The following DSCAML1 variants were observed in gnomAD, a reference collection of about 807,000 sequenced individuals.
DSCAML1 encodes cell adhesion molecule DSCAML1.
DSCAML1 carries 38 observed loss-of-function variants against 200.5 expected under a neutral mutation model. The observed-to-expected ratio is 0.19, with a 90% CI of 0.15 to 0.25. DSCAML1 has a LOEUF of 0.25. Among genes scored for constraint, DSCAML1 ranks in the 10% least tolerant of loss-of-function variants. The probability of loss-of-function intolerance (pLI) is 1.00; values close to 1 mark genes in which losing one functional copy is unlikely to be tolerated. For synonymous variants in DSCAML1, 1,215 were observed against 1,165.0 expected (o/e 1.04, Z -0.87); for missense variants, 2,223 against 2,858.8 (o/e 0.78, Z 5.07).
chr11:117,588,797 C>T (rs371673608), intron 3 of DSCAML1, among the ~76,000 whole-genome samples: 99 of 152,202 alleles, frequency 6.5e-4, no homozygotes, highest in Non-Finnish European at 1.2e-3. Flanking sequence ...TGGCCAGGGG[C>T]GGGTGTGGGG....
At chr11:117,792,646 TGCCATCA>T (rs2055493266) in intron 1 of DSCAML1, among the ~76,000 whole-genome samples, 1 of 152,154 alleles carries the variant, frequency 6.6e-6, no homozygotes, top group South Asian at 2.1e-4. Context: ...CACACCCCCA[TGCCATCA>T]GCAACTACCT....
intron 1 of DSCAML1, among the ~76,000 whole-genome samples, chr11:117,804,039 C>T (rs1176252263): frequency 6.6e-6 from 1 of 152,212 alleles, no homozygotes; most frequent in Non-Finnish European, 1.5e-5. Flanking sequence ...CGAGACCCTC[C>T]TCAAAGTCCA....
intron 3 of DSCAML1, among the ~76,000 whole-genome samples, chr11:117,735,904 A>G (rs1206826527): frequency 6.6e-6 from 1 of 152,168 alleles, no homozygotes; most frequent in Non-Finnish European, 1.5e-5. Context: ...GCACCCAGCT[A>G]AGGGGCAACC....
intron 3 of DSCAML1, among the ~76,000 whole-genome samples, chr11:117,608,874 A>ATTTTAAAATG (rs2051627639): frequency 7.4e-4 from 4 of 5,434 alleles, no homozygotes; most frequent in African/African-American, 2.5e-3. Context: ...TGAGCATTAT[A>ATTTTAAAATG]TCTGCCAAAT....
intron 8 of DSCAML1, among the ~76,000 whole-genome samples, chr11:117,514,577 T>C (rs1253871395): frequency 4.2e-5 from 4 of 95,778 alleles, no homozygotes; most frequent in South Asian, 3.8e-4. Flanking sequence ...TTTTTCTTTT[T>C]TTTTTTTTTT....
intron 3 of DSCAML1, among the ~76,000 whole-genome samples, chr11:117,635,327 G>C (rs1035078601): frequency 2.6e-5 from 4 of 152,108 alleles, no homozygotes; most frequent in African/African-American, 9.7e-5. Flanking sequence ...TCCCTGGCTG[G>C]TCAGGAATTT....
At chr11:117,583,824 C>T (rs1008451067) in intron 3 of DSCAML1, among the ~76,000 whole-genome samples, 4 of 152,252 alleles carry the variant, frequency 2.6e-5, no homozygotes, top group African/African-American at 9.6e-5. Context: ...CTCCCACATT[C>T]CTTGTGATCA....
intron 18 of DSCAML1, 52 bp downstream of exon 18, chr11:117,461,398 A>G (rs2137148704): frequency 6.2e-7 from 1 of 1,611,984 alleles, no homozygotes; most frequent in Middle Eastern, 1.7e-4. Context: ...AGCAGACTCC[A>G]CTGACCTGCG....
intron 8 of DSCAML1, among the ~76,000 whole-genome samples, chr11:117,514,440 C>T (rs2049712768): frequency 6.6e-6 from 1 of 151,816 alleles, no homozygotes; most frequent in Non-Finnish European, 1.5e-5. Context: ...ATGGAGCAAA[C>T]GGTCCTCCCT....
At chr11:117,531,277 C>T (rs892589777) in intron 4 of DSCAML1, among the ~76,000 whole-genome samples, 28 of 152,102 alleles carry the variant, frequency 1.8e-4, no homozygotes, top group African/African-American at 6.5e-4. Context: ...GGCTGTGCCT[C>T]CCACTGGTTA....
chr11:117,777,009 G>A (rs2055139785), intron 2 of DSCAML1, 72 bp from the exon 3 acceptor site: 2 of 1,531,696 alleles, frequency 1.3e-6, no homozygotes, highest in South Asian at 1.2e-5. Flanking sequence ...GAAAGGAACA[G>A]GGAGTCAGCT....
intron 3 of DSCAML1, among the ~76,000 whole-genome samples, chr11:117,729,079 A>C (rs142906703): frequency 6.6e-6 from 1 of 152,372 alleles, no homozygotes; most frequent in East Asian, 1.9e-4. Flanking sequence ...AGACATTTAG[A>C]TTAATGGAAT....
intron 11 of DSCAML1, among the ~76,000 whole-genome samples, chr11:117,494,093 T>C (rs897536156): frequency 6.6e-6 from 1 of 152,234 alleles, no homozygotes. Context: ...TAGTATTTTT[T>C]ATTTCCATTT....
At chr11:117,484,079 A>G (rs1359187814) in intron 11 of DSCAML1, among the ~76,000 whole-genome samples, 2 of 122,094 alleles carry the variant, frequency 1.6e-5, no homozygotes, top group Non-Finnish European at 3.2e-5. Flanking sequence ...GCTCCATTTC[A>G]ACAGCTGGCC....
intron 3 of DSCAML1, among the ~76,000 whole-genome samples, chr11:117,577,138 C>G (rs983558958): frequency 6.6e-6 from 1 of 152,128 alleles, no homozygotes; most frequent in African/African-American, 2.4e-5. Context: ...GTGTCACCAC[C>G]CGAGGTTACT....
At chr11:117,810,098 T>G (rs2055748356) in intron 1 of DSCAML1, among the ~76,000 whole-genome samples, 1 of 152,002 alleles carries the variant, frequency 6.6e-6, no homozygotes, top group Non-Finnish European at 1.5e-5. Flanking sequence ...CATACACACA[T>G]TCACATACAT....
At chr11:117,551,249 A>G (rs968211117) in intron 3 of DSCAML1, among the ~76,000 whole-genome samples, 5 of 152,196 alleles carry the variant, frequency 3.3e-5, no homozygotes, top group African/African-American at 1.2e-4. Context: ...TTGAGAAAGC[A>G]TTTCTGGGTA....
chr11:117,768,669 A>G (rs971252382), intron 3 of DSCAML1, among the ~76,000 whole-genome samples: 8 of 152,210 alleles, frequency 5.3e-5, no homozygotes, highest in Admixed American at 2.0e-4. Flanking sequence ...TTTTATTTCA[A>G]GGATTCTATG....
intron 3 of DSCAML1, among the ~76,000 whole-genome samples, chr11:117,535,073 C>T (rs2050141624): frequency 6.6e-6 from 1 of 152,102 alleles, no homozygotes; most frequent in African/African-American, 2.4e-5. Context: ...AGACACTGTG[C>T]CCCACTTTGA....
Sources: gnomAD v4.1 joint callset for allele counts (sites outside exome capture counted in the v4.1 genomes callset) on GRCh38, gnomAD v4.1.1 for gene constraint, MANE v1.5 for transcripts, NCBI Gene and HGNC (gene_info 2026-07-23, HGNC 2026-07-21) for gene names.